OSBPL10: variants seen among roughly 807,000 people sequenced by gnomAD.
OSBPL10 encodes the protein oxysterol-binding protein-related protein 10.
In OSBPL10, 49 loss-of-function variants were observed where a neutral mutation model predicts 81.7. That is an observed-to-expected ratio of 0.60 (90% CI 0.48 to 0.76). The LOEUF is 0.76. OSBPL10 is among the 30% of genes least tolerant of loss of function. The pLI is 0.00. For missense variants in OSBPL10, 923 were observed against 987.8 expected (o/e 0.93, Z 0.88); for synonymous variants, 419 against 383.6 (o/e 1.09, Z -1.08).
At chr3:32,006,984 T>A (rs1301488287) in intron 2 of OSBPL10, among the ~76,000 whole-genome samples, 1 of 152,262 alleles carries the variant, frequency 6.6e-6, no homozygotes, top group Middle Eastern at 3.4e-3. Context: ...CCCAGGCTGA[T>A]CTCAAACTCC....
chr3:31,809,495 A>G (rs978369879), intron 4 of OSBPL10, among the ~76,000 whole-genome samples: 16 of 152,190 alleles, frequency 1.1e-4, no homozygotes, highest in African/African-American at 1.4e-4. Flanking sequence ...GTCAGTCCTT[A>G]AATAATGTAT....
intron 5 of OSBPL10, among the ~76,000 whole-genome samples, chr3:31,743,664 A>G (rs1307215136): frequency 1.4e-5 from 2 of 139,428 alleles, no homozygotes; most frequent in Non-Finnish European, 3.3e-5. Flanking sequence ...GGACAGAAGG[A>G]AAAAAAAACA....
intron 4 of OSBPL10, among the ~76,000 whole-genome samples, chr3:31,782,881 A>G (rs1171155480): frequency 1.3e-5 from 2 of 152,134 alleles, no homozygotes; most frequent in Non-Finnish European, 2.9e-5. Context: ...CAGTATGGAC[A>G]TTCCTTGAAG....
At chr3:31,689,850 G>A (rs994869732) in intron 7 of OSBPL10, among the ~76,000 whole-genome samples, 1 of 152,048 alleles carries the variant, frequency 6.6e-6, no homozygotes, top group African/African-American at 2.4e-5. Flanking sequence ...CCAGTCTCAG[G>A]TATGTCTTTT....
In OSBPL10 at chr3:31,981,228, G is replaced by A; in HGVS notation, c.-49C>T. 2 of 1,342,840 alleles carry A rather than the reference G, an allele frequency of 1.5e-6. No individual in the cohort carries two copies. Among genetic ancestry groups the A allele is most frequent in the South Asian group, 3.9e-5 (2 of 51,114 alleles). The allele number at this position is 1,342,840 out of a possible 1,614,324, so 83.2% of individuals were successfully genotyped here. A position where few individuals can be genotyped will look rare whatever the true frequency, so the allele number is the denominator to read the frequency against. On this transcript the variant is annotated 5_prime_UTR_variant, in exon 1 of 12. Transcript: ENST00000396556. This position sits in a 1 kb window ranked among gnomAD's most constrained non-coding sequence, Gnocchi z 4.5. ...GGTGCCCGCCGCGGTGGCGGCCCCG[G>A]CACGGCGGCTGCTGCTGCTGCTACA...
At chr3:31,765,398 C>T (rs1163060568) in intron 4 of OSBPL10, among the ~76,000 whole-genome samples, 1 of 152,052 alleles carries the variant, frequency 6.6e-6, no homozygotes, top group Non-Finnish European at 1.5e-5. Context: ...CTCTCGGTGC[C>T]ACTTTGTCTC....
Position 31,670,673 on chromosome 3 carries a change from G to T in OSBPL10, c.1913+124C>A, listed in dbSNP as rs929540848. 1.5e-5 allele frequency: 17 copies of T among 1,145,490 alleles called. No homozygotes were observed. In the Admixed American group the frequency reaches 2.1e-4, roughly 14 times the overall value. 71.0% of individuals were successfully genotyped at this position (1,145,490 alleles called of 1,614,324 possible). A position where few individuals can be genotyped will look rare whatever the true frequency, so the allele number is the denominator to read the frequency against. On this transcript the variant is annotated intron_variant, in intron 9 of 11. Transcript: ENST00000396556. ...GGGAAAAGGCATCTCTTTTGGAAAA[G>T]ACCTTAACAAGTTTATCTTGATTTT...
intron 4 of OSBPL10, among the ~76,000 whole-genome samples, chr3:31,754,226 A>G (rs1289935026): frequency 6.6e-6 from 1 of 152,144 alleles, no homozygotes; most frequent in East Asian, 1.9e-4. Flanking sequence ...TCATACCCAC[A>G]AACACAATCC....
chr3:31,794,078 C>T (rs1470450694), intron 4 of OSBPL10, among the ~76,000 whole-genome samples: 2 of 152,200 alleles, frequency 1.3e-5, no homozygotes, highest in African/African-American at 2.4e-5. Context: ...CTTGCCCCTG[C>T]TGCACAGAAG....
chr3:32,020,240 C>T (rs1699348952), intron 2 of OSBPL10, among the ~76,000 whole-genome samples: 1 of 152,162 alleles, frequency 6.6e-6, no homozygotes, highest in Non-Finnish European at 1.5e-5. Flanking sequence ...TATAGTTGTA[C>T]AATCGTCACC....
Position 31,660,985 on chromosome 3 carries a change from A to G in OSBPL10, c.*1087T>C, listed in dbSNP as rs1364796097. On this transcript the variant is annotated 3_prime_UTR_variant, in exon 12 of 12. Coordinates refer to ENST00000396556, the MANE Select transcript of OSBPL10 (RefSeq NM_017784.5). ...TGGCACAGTAAAAAATAAATTAAGC[A>G]TTCAGCAAAAACCAGATATTTCATT... 2 of 152,672 alleles carry G rather than the reference A, an allele frequency of 1.3e-5. No homozygotes were observed. Among genetic ancestry groups the G allele is most frequent in the Non-Finnish European group, 1.5e-5 (1 of 68,036 alleles). The allele number at this position is 152,672 out of a possible 1,614,324, so 9.5% of individuals were successfully genotyped here. A position where few individuals can be genotyped will look rare whatever the true frequency, so the allele number is the denominator to read the frequency against.
intron 3 of OSBPL10, among the ~76,000 whole-genome samples, chr3:31,853,565 C>T (rs530608368): frequency 3.3e-5 from 5 of 152,290 alleles, no homozygotes; most frequent in East Asian, 1.9e-4. Flanking sequence ...AAGAAAGGAT[C>T]GATGCTATAG....
At chr3:31,883,684 A>T (rs1002741592) in intron 1 of OSBPL10, among the ~76,000 whole-genome samples, 1 of 151,832 alleles carries the variant, frequency 6.6e-6, no homozygotes, top group African/African-American at 2.4e-5. Flanking sequence ...GGCGCTTGCC[A>T]CTATGCCCAG....
intron 2 of OSBPL10, among the ~76,000 whole-genome samples, chr3:32,027,603 TAATC>T (rs1442646970): frequency 2.0e-5 from 3 of 152,254 alleles, no homozygotes; most frequent in African/African-American, 7.2e-5. Context: ...CATTTTTAAT[TAATC>T]AATAAAATTG....
At chr3:31,937,560 C>A (rs905994330) in intron 1 of OSBPL10, among the ~76,000 whole-genome samples, 3 of 152,084 alleles carry the variant, frequency 2.0e-5, no homozygotes, top group South Asian at 4.1e-4. Context: ...CCCCATCATG[C>A]CTTTCAGTCC....
intron 3 of OSBPL10, among the ~76,000 whole-genome samples, chr3:31,865,411 T>G (rs1476496991): frequency 1.3e-5 from 2 of 152,214 alleles, no homozygotes; most frequent in African/African-American, 2.4e-5. Context: ...CAGCATAGTT[T>G]TAAAACCTGT....
chr3:31,820,755 C>G (rs573782400), intron 4 of OSBPL10, among the ~76,000 whole-genome samples: 1 of 152,152 alleles, frequency 6.6e-6, no homozygotes, highest in East Asian at 1.9e-4. Context: ...TTCCCCCTTG[C>G]TTCTGCTTTG....
At chr3:31,951,848 T>C (rs1697878723) in intron 1 of OSBPL10, among the ~76,000 whole-genome samples, 1 of 152,106 alleles carries the variant, frequency 6.6e-6, no homozygotes, top group Admixed American at 6.6e-5. Context: ...ACTAAGCTTT[T>C]CATTAACTTT....
intron 3 of OSBPL10, among the ~76,000 whole-genome samples, chr3:31,861,278 C>T (rs1461178867): frequency 6.6e-6 from 1 of 152,076 alleles, no homozygotes; most frequent in Admixed American, 6.5e-5. Context: ...CAGCAAAATT[C>T]ACAGATGCCC....
Sources: allele counts gnomAD v4.1 joint callset (sites outside exome capture counted in the v4.1 genomes callset), GRCh38; gene constraint gnomAD v4.1.1; non-coding constraint Gnocchi (gnomAD v3.1); transcripts MANE v1.5; gene names NCBI Gene and HGNC (gene_info 2026-07-23, HGNC 2026-07-21).